PCDHGA4: variants seen among roughly 807,000 people sequenced by gnomAD.
PCDHGA4 encodes the protein protocadherin gamma subfamily A, 4.
Under a neutral mutation model 54.6 loss-of-function variants are expected in PCDHGA4, and 38 were observed. The observed-to-expected ratio is 0.70, with a 90% CI of 0.54 to 0.91. The LOEUF (loss-of-function observed/expected upper bound fraction) is 0.91, where lower values mean the gene tolerates loss of function less well. Among genes scored for constraint, PCDHGA4 ranks in the 40% least tolerant of loss-of-function variants. The pLI is 0.00. For synonymous variants in PCDHGA4, 511 were observed against 512.9 expected (o/e 1.00, Z 0.05); for missense variants, 1,298 against 1,220.9 (o/e 1.06, Z -0.94).
Position 141,432,916 on chromosome 5 carries a change from G to A in PCDHGA4, c.2515-61891G>A, listed in dbSNP as rs1303459899. ...TGCTGGCGCTCAGGCTGCGGCGCTG[G>A]CACAAGTCACGCCTGCTGCAGGCTT... is the stretch of plus-strand genomic sequence containing the variant. On this transcript the variant is annotated intron_variant, in intron 1 of 3. Transcript: ENST00000571252. This position sits in a 1 kb window ranked among gnomAD's most constrained non-coding sequence, Gnocchi z 6.0. 1.2e-6 allele frequency: 2 copies of A among 1,614,078 alleles called. No individual in the cohort carries two copies. The highest frequency in any genetic ancestry group is 1.7e-6 in the Non-Finnish European group (2 of 1,180,048).
At chr5:141,411,423 CA>C (rs200531177) in intron 1 of PCDHGA4, 3 of 147,666 alleles carry the variant, frequency 2.0e-5, no homozygotes, top group Admixed American at 6.8e-5. Context: ...ACAACAACAA[CA>C]AAAAAAAACA....
intron 1 of PCDHGA4, chr5:141,394,176 G>A: frequency 6.2e-7 from 1 of 1,613,790 alleles, no homozygotes; most frequent in Non-Finnish European, 8.5e-7. Flanking sequence ...TTTCCCTCAT[G>A]CCTCCTACTC....
intron 2 of PCDHGA4, among the ~76,000 whole-genome samples, chr5:141,503,994 A>C (rs1330628079): frequency 6.6e-6 from 1 of 152,158 alleles, no homozygotes; most frequent in Non-Finnish European, 1.5e-5. Context: ...CTTACCTTAC[A>C]GTCACTTAAC....
rs770283696 is a variant in PCDHGA4, at chr5:141,385,127, T to G, written c.2514+27506T>G. On this transcript the variant is annotated intron_variant, in intron 1 of 3. Transcript: ENST00000571252. ...GTGCCCACCTCGCACTTTGTGGGCA[T>G]GGACGGGGTGCAGGCTTTCCTGCAG... is the stretch of plus-strand genomic sequence containing the variant. 6.2e-6 allele frequency: 10 copies of G among 1,614,222 alleles called. No individual in the cohort carries two copies. The South Asian group carries it at 7.7e-5, about 12-fold the overall frequency.
chr5:141,489,061 C>A lies in PCDHGA4; in HGVS notation c.2515-5746C>A. On this transcript the variant is annotated intron_variant, in intron 1 of 3. Coordinates refer to ENST00000571252, the MANE Select transcript of PCDHGA4 (RefSeq NM_018917.4). This position sits in a 1 kb window ranked among gnomAD's most constrained non-coding sequence, Gnocchi z 4.5. ...AGCTCCACTCAAATTCAGCTCCCCT[C>A]CCCCCTGCCCACCCCCGCCACTCGG... 5 of 347,080 alleles carry A rather than the reference C, an allele frequency of 1.4e-5. No individual in the cohort carries two copies. The highest frequency in any genetic ancestry group is 2.2e-5 in the African/African-American group (1 of 46,422). 21.5% of individuals were successfully genotyped at this position (347,080 alleles called of 1,614,324 possible). A position where few individuals can be genotyped will look rare whatever the true frequency, so the allele number is the denominator to read the frequency against.
At chr5:141,447,773 T>C (rs2098551408) in intron 1 of PCDHGA4, among the ~76,000 whole-genome samples, 1 of 152,202 alleles carries the variant, frequency 6.6e-6, no homozygotes, top group African/African-American at 2.4e-5. Context: ...AATTATACTT[T>C]AATTGAAAAT....
chr5:141,392,757 AAT>A, intron 1 of PCDHGA4: 1 of 1,471,072 alleles, frequency 6.8e-7, no homozygotes, highest in African/African-American at 1.4e-5. Flanking sequence ...CAAGAAACTA[AAT>A]AAGACCCATT....
chr5:141,362,414 C>G, intron 1 of PCDHGA4: 1 of 1,614,058 alleles, frequency 6.2e-7, no homozygotes, highest in Non-Finnish European at 8.5e-7. Context: ...GCCTCACAAT[C>G]AGCCAAGACA....
chr5:141,387,653 A>C (rs981670504), intron 1 of PCDHGA4: 11 of 639,608 alleles, frequency 1.7e-5, no homozygotes, highest in Non-Finnish European at 2.9e-5. Context: ...CAAAGTGGAG[A>C]GCTTGGCGCT....
chr5:141,492,064 C>T (rs1562152072), intron 1 of PCDHGA4: 3 of 484,366 alleles, frequency 6.2e-6, no homozygotes, highest in Non-Finnish European at 1.1e-5. Context: ...AGCCAGCCTC[C>T]TAGGCGCCGG....
chr5:141,365,687 C>T, intron 1 of PCDHGA4: 1 of 1,613,530 alleles, frequency 6.2e-7, no homozygotes, highest in Non-Finnish European at 8.5e-7. Context: ...ACCCAATTTC[C>T]CTCAAGCCTC....
intron 1 of PCDHGA4, chr5:141,441,665 A>G (rs994092543): frequency 2.3e-5 from 6 of 265,720 alleles, no homozygotes; most frequent in Non-Finnish European, 3.7e-5. Context: ...CCTTGAGCGC[A>G]CAGTGCGCCT....
intron 1 of PCDHGA4, chr5:141,440,348 C>G (rs2098169693): frequency 6.6e-6 from 1 of 152,190 alleles, no homozygotes; most frequent in South Asian, 2.1e-4. Flanking sequence ...GGCCTATAAT[C>G]CTAGCTACTC....
intron 1 of PCDHGA4, chr5:141,365,152 C>A: frequency 6.2e-7 from 1 of 1,613,880 alleles, no homozygotes; most frequent in Non-Finnish European, 8.5e-7. Flanking sequence ...AGGGAATAAA[C>A]GGGAAATTGA....
intron 1 of PCDHGA4, chr5:141,403,791 A>T: frequency 6.2e-7 from 1 of 1,613,900 alleles, no homozygotes. Context: ...GTGGCATACA[A>T]ATTCTGGAAA....
chr5:141,458,575 G>A (rs1337776166), intron 1 of PCDHGA4, among the ~76,000 whole-genome samples: 1 of 151,346 alleles, frequency 6.6e-6, no homozygotes, highest in Non-Finnish European at 1.5e-5. Context: ...GTTTTTGTTT[G>A]TTTGTTTGTT....
rs146358809 is a variant in PCDHGA4, at chr5:141,480,913, C to T, written c.2515-13894C>T. 4.1e-3 allele frequency among the ~76,000 whole-genome samples: 617 copies of T among 152,096 alleles called. 6 individuals are homozygous for T. Among genetic ancestry groups the T allele is most frequent in the Admixed American group, 0.011 (171 of 15,272 alleles). ...TGCAAACATTAGCTGGGCATGGTGG[C>T]GCATACCTGTAGTCCCAGCTACTCT... On this transcript the variant is annotated intron_variant, in intron 1 of 3. Transcript: ENST00000571252.
At chr5:141,372,676 CA>C (rs1170718624) in intron 1 of PCDHGA4, 3 of 1,613,898 alleles carry the variant, frequency 1.9e-6, no homozygotes, top group Non-Finnish European at 1.7e-6. Context: ...TCACATTCCT[CA>C]AACACCGAGT....
chr5:141,499,404 T>G (rs1468724077), intron 2 of PCDHGA4, among the ~76,000 whole-genome samples: 3 of 152,178 alleles, frequency 2.0e-5, no homozygotes, highest in African/African-American at 7.2e-5. Context: ...ACATGCTCAT[T>G]ATAGAAACAT....
Sources: gnomAD v4.1 joint callset for allele counts (sites outside exome capture counted in the v4.1 genomes callset) on GRCh38, gnomAD v4.1.1 for gene constraint, Gnocchi (gnomAD v3.1) non-coding constraint, MANE v1.5 for transcripts, NCBI Gene and HGNC (gene_info 2026-07-23, HGNC 2026-07-21) for gene names.